The following GRHL2 variants were observed in gnomAD, a reference collection of about 807,000 sequenced individuals.
GRHL2 encodes the protein grainyhead like transcription factor 2, also known as grainyhead-like protein 2 homolog.
A neutral mutation model predicts 83.8 loss-of-function variants in GRHL2; 21 were observed. The observed-to-expected ratio is 0.25, with a 90% CI of 0.18 to 0.36. The LOEUF (loss-of-function observed/expected upper bound fraction) is 0.36, where lower values mean the gene tolerates loss of function less well. Among genes scored for constraint, GRHL2 ranks in the 10% least tolerant of loss-of-function variants. The pLI, the probability that GRHL2 is intolerant of heterozygous loss-of-function variation, is 1.00. For missense variants in GRHL2, 623 were observed against 781.8 expected, an observed-to-expected ratio of 0.80 and a Z score of 2.42; for synonymous variants, 280 against 278.9, an observed-to-expected ratio of 1.00 and a Z score of -0.04.
At chr8:101,550,067 G>T (rs1811346643) in intron 2 of GRHL2, among the ~76,000 whole-genome samples, 1 of 151,398 alleles carries the variant, frequency 6.6e-6, no homozygotes, top group Non-Finnish European at 1.5e-5. Context: ...AGTTTATTAA[G>T]TTTTTAATCT....
intron 12 of GRHL2, among the ~76,000 whole-genome samples, chr8:101,641,409 C>T (rs759241782): frequency 1.1e-4 from 16 of 152,070 alleles, no homozygotes; most frequent in East Asian, 1.9e-4. Context: ...ACTACATCTC[C>T]GTGGTGCCTG....
chr8:101,673,985 A>G (rs1041483817), downstream of GRHL2, among the ~76,000 whole-genome samples: 1 of 152,198 alleles, frequency 6.6e-6, no homozygotes, highest in Admixed American at 6.5e-5. Context: ...TGTAGGCAGA[A>G]ATAAAGATGT....
At chr8:101,623,633 T>G (rs1287507282) in intron 9 of GRHL2, among the ~76,000 whole-genome samples, 2 of 151,894 alleles carry the variant, frequency 1.3e-5, no homozygotes, top group Admixed American at 6.6e-5. Context: ...CAGTACACAG[T>G]AGGACAGTTC....
chr8:101,657,344 T>G (rs1192168500), intron 14 of GRHL2, among the ~76,000 whole-genome samples: 2 of 152,202 alleles, frequency 1.3e-5, no homozygotes, highest in Non-Finnish European at 2.9e-5. Flanking sequence ...ATGAGGTTTT[T>G]GGGCAAAGAG....
At chr8:101,605,174 A>G (rs1028224781) in intron 8 of GRHL2, among the ~76,000 whole-genome samples, 1 of 152,160 alleles carries the variant, frequency 6.6e-6, no homozygotes, top group African/African-American at 2.4e-5. Context: ...AAATTTTCCT[A>G]ATGAGATTGG....
intron 1 of GRHL2, among the ~76,000 whole-genome samples, chr8:101,510,018 T>A (rs895302066): frequency 1.3e-5 from 2 of 152,124 alleles, no homozygotes; most frequent in Admixed American, 1.3e-4. Context: ...TGAGACAGGG[T>A]CTTACTCTGT....
intron 1 of GRHL2, among the ~76,000 whole-genome samples, chr8:101,537,169 T>C (rs1038719670): frequency 1.3e-5 from 2 of 152,354 alleles, no homozygotes; most frequent in Non-Finnish European, 2.9e-5. Flanking sequence ...CTTTATCCAT[T>C]CTTCTATTGA....
intron 8 of GRHL2, among the ~76,000 whole-genome samples, chr8:101,616,803 C>G (rs1040380627): frequency 2.0e-5 from 3 of 152,152 alleles, no homozygotes; most frequent in African/African-American, 7.2e-5. Context: ...TCCCCTATAT[C>G]TAATGTTGTG....
intron 12 of GRHL2, among the ~76,000 whole-genome samples, chr8:101,638,216 C>A (rs1014555136): frequency 1.3e-5 from 2 of 152,122 alleles, no homozygotes; most frequent in African/African-American, 2.4e-5. Flanking sequence ...TATTTACTTG[C>A]AAAACATTTC....
At chr8:101,560,698 G>T (rs1455034351) in intron 4 of GRHL2, among the ~76,000 whole-genome samples, 2 of 152,132 alleles carry the variant, frequency 1.3e-5, no homozygotes, top group East Asian at 3.8e-4. Flanking sequence ...CTCTTTTAGT[G>T]GATATGTGAT....
chr8:101,645,819 C>T (rs1245976802), intron 13 of GRHL2, among the ~76,000 whole-genome samples: 1 of 152,198 alleles, frequency 6.6e-6, no homozygotes, highest in Non-Finnish European at 1.5e-5. Flanking sequence ...AGAATGGAAA[C>T]AGCATAAATG....
chr8:101,614,896 CTG>C (rs1206205650), intron 8 of GRHL2, among the ~76,000 whole-genome samples: 2 of 152,196 alleles, frequency 1.3e-5, no homozygotes, highest in African/African-American at 4.8e-5. Context: ...GGTACTGAAA[CTG>C]TGCTTTGCCA....
At chr8:101,641,652 C>T (rs758311037) in intron 12 of GRHL2, among the ~76,000 whole-genome samples, 4 of 152,004 alleles carry the variant, frequency 2.6e-5, no homozygotes, top group African/African-American at 9.7e-5. Flanking sequence ...AATGTGCTGC[C>T]GGGCCTAGAA....
At chr8:101,611,552 A>G (rs778444135) in intron 8 of GRHL2, among the ~76,000 whole-genome samples, 1 of 150,690 alleles carries the variant, frequency 6.6e-6, no homozygotes, top group Non-Finnish European at 1.5e-5. Context: ...GACCTGTCTC[A>G]CTTGCCCAGC....
intron 11 of GRHL2, among the ~76,000 whole-genome samples, chr8:101,635,615 G>A (rs1443848395): frequency 6.6e-6 from 1 of 152,076 alleles, no homozygotes; most frequent in Admixed American, 6.6e-5. Context: ...CACTTAGGTG[G>A]GTTACTCTAT....
intron 13 of GRHL2, among the ~76,000 whole-genome samples, chr8:101,648,873 C>T (rs2129690449): frequency 6.6e-6 from 1 of 152,314 alleles, no homozygotes; most frequent in Non-Finnish European, 1.5e-5. Flanking sequence ...CCCTCCAGGT[C>T]ACGGCCAGGC....
chr8:101,510,307 T>C (rs1240602907), intron 1 of GRHL2, among the ~76,000 whole-genome samples: 2 of 152,118 alleles, frequency 1.3e-5, no homozygotes, highest in Non-Finnish European at 2.9e-5. Context: ...ATATTTTTAA[T>C]TTTTTGCAAA....
intron 7 of GRHL2, among the ~76,000 whole-genome samples, chr8:101,577,848 A>T (rs905922515): frequency 6.6e-6 from 1 of 152,220 alleles, no homozygotes; most frequent in African/African-American, 2.4e-5. Flanking sequence ...AGCAGGTCAG[A>T]TGAACTCTTA....
At chr8:101,634,027 C>A (rs572938472) in intron 11 of GRHL2, among the ~76,000 whole-genome samples, 1 of 152,184 alleles carries the variant, frequency 6.6e-6, no homozygotes, top group Non-Finnish European at 1.5e-5. Flanking sequence ...TCTCCTGCCC[C>A]CGGGTGTCAT....
Sources: gnomAD v4.1 joint callset for allele counts (sites outside exome capture counted in the v4.1 genomes callset) on GRCh38, gnomAD v4.1.1 for gene constraint, MANE v1.5 for transcripts, NCBI Gene and HGNC (gene_info 2026-07-23, HGNC 2026-07-21) for gene names.